ADAMTS13: variants seen among roughly 807,000 people sequenced by gnomAD.
The protein encoded by ADAMTS13 is A disintegrin and metalloproteinase with thrombospondin motifs 13.
ADAMTS13 carries 110 observed loss-of-function variants against 155.1 expected under a neutral mutation model. That is an observed-to-expected ratio of 0.71 (90% CI 0.61 to 0.83). The LOEUF is 0.83. Ranked by LOEUF, ADAMTS13 falls within the 40% of genes least tolerant of loss-of-function variation. The pLI is 0.00. For missense variants in ADAMTS13, 1,707 were observed against 1,891.7 expected, an observed-to-expected ratio of 0.90 and a Z score of 1.81; for synonymous variants, 758 against 756.4, an observed-to-expected ratio of 1.00 and a Z score of -0.03.
intron 23 of ADAMTS13, among the ~76,000 whole-genome samples, chr9:133,450,745 G>A (rs1554794134): frequency 2.0e-5 from 3 of 152,116 alleles, no homozygotes; most frequent in East Asian, 1.9e-4. Context: ...GCGAGACTCC[G>A]TCTCAAAAAC....
Position 133,433,541 on chromosome 9 carries a change from A to T in ADAMTS13, c.1244+12A>T, listed in dbSNP as rs781816170. 6 of 1,613,602 alleles carry T rather than the reference A, an allele frequency of 3.7e-6. No individual in the cohort carries two copies. Among genetic ancestry groups the T allele is most frequent in the Admixed American group, 1.7e-5 (1 of 59,998 alleles). ...TGCAACAACCCCAGGTACCGCAGGG[A>T]GGGTGCTTTTCTGTCAGGGAGTGTG... On this transcript the variant is annotated intron_variant, in intron 10 of 28. Transcript: ENST00000355699.
chr9:133,420,911 G>A (rs1159632817), upstream of ADAMTS13, among the ~76,000 whole-genome samples: 1 of 152,224 alleles, frequency 6.6e-6, no homozygotes, highest in Non-Finnish European at 1.5e-5. Context: ...AAGACAGCCA[G>A]AAACAGGGCT....
chr9:133,444,377 G>A (rs1415736029), intron 19 of ADAMTS13, among the ~76,000 whole-genome samples: 2 of 151,876 alleles, frequency 1.3e-5, no homozygotes, highest in African/African-American at 4.8e-5. Context: ...TTAAAAGACA[G>A]AGTCTTGTTC....
In ADAMTS13 at chr9:133,430,089, C is replaced by T. The variant is rs1840633688; in HGVS notation, c.975C>T (p.Ala325=). Residue 325 remains alanine (A), a synonymous_variant, in exon 8 of 29, where the codon GCC becomes GCT. Transcript: ENST00000355699. ...CCAAGGCTGTCGCCTGCACCTTCGC[C>T]AGGGAGCACCTGGTGAGTCTGCCGG... ...FGPKAVACTF[A]REHLDMCQAL... 2 of 1,588,758 alleles carry T rather than the reference C, an allele frequency of 1.3e-6. No individual in the cohort carries two copies. The highest frequency in any genetic ancestry group is 1.3e-5 in the African/African-American group (1 of 74,738).
chr9:133,428,650 G>T lies in ADAMTS13; in HGVS notation c.703G>T (p.Asp235Tyr), dbSNP rs281875337. 3 of 1,315,750 alleles carry T rather than the reference G, an allele frequency of 2.3e-6. No individual in the cohort carries two copies. Among genetic ancestry groups the T allele is most frequent in the South Asian group, 1.7e-5 (1 of 57,992 alleles). 81.5% of individuals were successfully genotyped at this position (1,315,750 alleles called of 1,614,324 possible). Residue 235 changes from aspartate (D) to tyrosine (Y), a missense_variant, in exon 7 of 29, where the codon GAC becomes TAC. Physicochemically the swap from Asp to Tyr is radical, Grantham distance 160 (BLOSUM62 -3). Transcript: ENST00000355699. ...CCCGACCAGCTTCGGCCTGGAGCAC[G>T]ACGGCGCGCCCGGCAGCGGCTGCGG... ...EIGHSFGLEH[D>Y]GAPGSGCGPS...
intron 1 of ADAMTS13, among the ~76,000 whole-genome samples, chr9:133,415,424 T>A (rs78982372): frequency 6.6e-6 from 1 of 152,002 alleles, no homozygotes; most frequent in Non-Finnish European, 1.5e-5. Context: ...TTTTTTTTTT[T>A]ACAAGATTCC....
At chr9:133,454,746 C>T (rs782425408) in intron 24 of ADAMTS13, 127 bp downstream of exon 24, 104 of 1,246,346 alleles carry the variant, frequency 8.3e-5, no homozygotes, top group Non-Finnish European at 1.1e-4. Flanking sequence ...GAGAGCTGCG[C>T]CCGTTGGTGA....
At chr9:133,414,993 A>G (rs782403137) in intron 1 of ADAMTS13, 1 of 1,582,462 alleles carries the variant, frequency 6.3e-7, no homozygotes, top group Admixed American at 2.0e-5. Flanking sequence ...GGGGCCTGAG[A>G]TTTTTGTTTC....
Position 133,424,537 on chromosome 9 carries a change from T to G in ADAMTS13, c.330+59T>G, listed in dbSNP as rs1840156261. 1 of 1,568,730 alleles carries G rather than the reference T, an allele frequency of 6.4e-7. No homozygotes were observed. Among genetic ancestry groups the G allele is most frequent in the African/African-American group, 1.4e-5 (1 of 73,616 alleles). ...ACGGCCAGGGCTGGTGACCAATGTC[T>G]GTGGGCTGGTGTATCTGGTAGTCTG... On this transcript the variant is annotated intron_variant, in intron 3 of 28. Coordinates refer to ENST00000355699, the MANE Select transcript of ADAMTS13 (RefSeq NM_139027.6). The surrounding 1 kb of genome is among the most constrained non-coding windows in gnomAD (Gnocchi z 4.3).
rs1298196520 is a variant in ADAMTS13 at position 133,422,592 on chromosome 9, G to C, written c.105+44G>C. 3 of 1,604,730 alleles carry C rather than the reference G, an allele frequency of 1.9e-6. No homozygotes were observed. The African/African-American group carries it at 4.0e-5, about 21-fold the overall frequency. On this transcript the variant is annotated intron_variant, in intron 1 of 28. Coordinates refer to ENST00000355699, the MANE Select transcript of ADAMTS13 (RefSeq NM_139027.6). The stretch of plus-strand genomic sequence containing the variant: ...GCGGGGGTATTCTGGGAGCCTCTGG[G>C]TGGGGTATTCTGAGCTACCTGGGGC...
At chr9:133,450,014 C>T in intron 23 of ADAMTS13, 49 bp downstream of exon 23, 1 of 1,546,044 alleles carries the variant, frequency 6.5e-7, no homozygotes, top group Non-Finnish European at 8.7e-7. Context: ...GTGCAGATGC[C>T]AGGCCAGGCG....
At chr9:133,432,790 TA>T in intron 9 of ADAMTS13, 98 bp downstream of exon 9, 1 of 1,200,780 alleles carries the variant, frequency 8.3e-7, no homozygotes, top group Non-Finnish European at 1.2e-6. Flanking sequence ...GCAGGACCAG[TA>T]TGGGGCAGAG....
At chr9:133,458,552 T>A (rs1842885280) in intron 28 of ADAMTS13, among the ~76,000 whole-genome samples, 2 of 12,016 alleles carry the variant, frequency 1.7e-4, no homozygotes, top group South Asian at 8.9e-3. Flanking sequence ...TGAGACTCTG[T>A]CTCAAAAAAA....
chr9:133,459,157 T>A lies in ADAMTS13; in HGVS notation c.4093T>A (p.Trp1365Arg). 1 of 1,611,942 alleles carries A rather than the reference T, an allele frequency of 6.2e-7. No homozygotes were observed. Among genetic ancestry groups the A allele is most frequent in the Non-Finnish European group, 8.5e-7 (1 of 1,179,422 alleles). The change falls in exon 29 of 29, where the codon TGG becomes AGG. Residue 1365 changes from tryptophan (W) to arginine (R), a missense_variant. Physicochemically the swap from Trp to Arg is moderately radical, Grantham distance 101. This residue lies in a region of ADAMTS13 where 961 missense variants were observed against 1,107.9 expected (regional missense o/e 0.87). Coordinates refer to ENST00000355699, the MANE Select transcript of ADAMTS13 (RefSeq NM_139027.6). ...ACCGGAGATGCAGGACCCTCAGTCC[T>A]GGAAGGGAAAGGAAGGAACCTGAGG... The part of the protein sequence containing the change: ...WVPEMQDPQS[W>R]KGKEGT
chr9:133,432,807 T>TG, intron 9 of ADAMTS13, 115 bp downstream of exon 9: 1 of 1,064,440 alleles, frequency 9.4e-7, no homozygotes. Flanking sequence ...CAGAGAGTCT[T>TG]GGAGTTGGCC....
upstream of ADAMTS13, chr9:133,417,910 C>CT: frequency 6.7e-7 from 1 of 1,487,788 alleles, no homozygotes; most frequent in South Asian, 1.2e-5. Context: ...GCCCGGCGCC[C>CT]TGGCAGCACA....
At chr9:133,434,158 GC>G (rs1278073744) in intron 11 of ADAMTS13, among the ~76,000 whole-genome samples, 2 of 151,856 alleles carry the variant, frequency 1.3e-5, no homozygotes, top group African/African-American at 4.8e-5. Flanking sequence ...CATAAACCAG[GC>G]CAGTCCTGCT....
chr9:133,427,357 G>A (rs1381989430), intron 6 of ADAMTS13, among the ~76,000 whole-genome samples: 1 of 152,140 alleles, frequency 6.6e-6, no homozygotes, highest in Non-Finnish European at 1.5e-5. Flanking sequence ...AGTTTTTTAA[G>A]TATGAAAATA....
rs781803336 is a variant in ADAMTS13, at chr9:133,432,585, T to C, written c.988-3T>C. ...CTCGCCACCCACCTGTCCACCCTCC[T>C]AGGATATGTGCCAGGCCCTCTCCTG... On this transcript the variant is annotated splice_polypyrimidine_tract_variant and splice_region_variant and intron_variant, in intron 8 of 28. Transcript: ENST00000355699. 22 of 1,550,856 alleles carry C rather than the reference T, an allele frequency of 1.4e-5. No individual in the cohort carries two copies. The African/African-American group carries it at 2.9e-4, about 20-fold the overall frequency.
Sources: allele counts gnomAD v4.1 joint callset (sites outside exome capture counted in the v4.1 genomes callset), GRCh38; gene constraint gnomAD v4.1.1; regional missense constraint gnomAD v4.1.1; non-coding constraint Gnocchi (gnomAD v3.1); transcripts MANE v1.5; gene names NCBI Gene and HGNC (gene_info 2026-07-23, HGNC 2026-07-21).